The following MTHFD1L variants were observed in gnomAD, a reference collection of about 807,000 sequenced individuals.
The protein encoded by MTHFD1L is methylenetetrahydrofolate dehydrogenase (NADP+ dependent) 1 like.
MTHFD1L carries 81 observed loss-of-function variants against 119.5 expected under a neutral mutation model. The ratio of observed to expected loss-of-function variants is 0.68; its 90% confidence interval spans 0.57 to 0.82. MTHFD1L has a LOEUF of 0.82. Ranked by LOEUF, MTHFD1L falls within the 40% of genes least tolerant of loss-of-function variation. The pLI, the probability that MTHFD1L is intolerant of heterozygous loss-of-function variation, is 0.00. For missense variants in MTHFD1L, 1,125 were observed against 1,253.4 expected (o/e 0.90, Z 1.55); for synonymous variants, 430 against 475.2 (o/e 0.90, Z 1.24).
chr6:151,080,840 CTCT>C (rs1793075326), intron 26 of MTHFD1L, among the ~76,000 whole-genome samples: 3 of 152,298 alleles, frequency 2.0e-5, no homozygotes, highest in Admixed American at 2.0e-4. Flanking sequence ...TGACCTCTTC[CTCT>C]TCTTTTAAGG....
chr6:151,066,736 G>C (rs149196588), intron 26 of MTHFD1L, among the ~76,000 whole-genome samples: 2,554 of 150,166 alleles, frequency 0.017, 71 homozygotes, highest in African/African-American at 0.056. Flanking sequence ...TTGCATTCCA[G>C]CCTGGGCAAT....
In MTHFD1L at chr6:150,887,901, G is replaced by T; in HGVS notation, c.700G>T (p.Ala234Ser). Residue 234 changes from alanine (A) to serine (S), a missense_variant, in exon 7 of 28, where the codon GCT becomes TCT. Physicochemically the swap from Ala to Ser is moderately conservative, Grantham distance 99. Around this residue, in one of 3 missense-constraint regions of MTHFD1L, gnomAD observed 1,058 missense variants for 1,151.2 expected, o/e 0.92. Coordinates refer to ENST00000367321, the MANE Select transcript of MTHFD1L (RefSeq NM_015440.5). ...AGTGGGGGCCCATGGGTCTTTGGAA[G>T]CTGCTCTACAATGCCTGTTCCAGAG... The part of the protein sequence containing the change: ...LVVGAHGSLE[A>S]ALQCLFQRKG... The T allele has an allele frequency of 6.2e-7, 1 of 1,610,362 alleles. No individual in the cohort carries two copies. The highest frequency in any genetic ancestry group is 8.5e-7 in the Non-Finnish European group (1 of 1,178,572).
In MTHFD1L at chr6:150,936,871, G is replaced by A. The variant is rs769162434; in HGVS notation, c.1324G>A (p.Ala442Thr). 6.8e-6 allele frequency: 11 copies of A among 1,613,926 alleles called. No homozygotes were observed. The highest frequency in any genetic ancestry group is 1.6e-4 in the Middle Eastern group (1 of 6,082). The change falls in exon 12 of 28, where the codon GCA becomes ACA. Residue 442 changes from alanine to threonine, a missense_variant. Physicochemically the swap from Ala to Thr is moderately conservative, Grantham distance 58. Transcript: ENST00000367321. The stretch of plus-strand genomic sequence containing the variant: ...CATCGGGCTTGTGCAGGCTCTGACC[G>A]CACACCTGAATGTCAACTCCTTTGC... ...VTIGLVQALT[A>T]HLNVNSFACL...
chr6:151,097,153 A>T lies in MTHFD1L; in HGVS notation c.*32-4373A>T, dbSNP rs115911552. Among the ~76,000 whole-genome samples, 1,138 of 152,304 alleles carry T rather than the reference A, an allele frequency of 7.5e-3. 20 individuals are homozygous for T. Among genetic ancestry groups the T allele is most frequent in the African/African-American group, 0.026 (1,078 of 41,572 alleles). On this transcript the variant is annotated intron_variant, in intron 27 of 27. Coordinates refer to ENST00000367321, the MANE Select transcript of MTHFD1L (RefSeq NM_015440.5). The stretch of plus-strand genomic sequence containing the variant: ...CAAGATTCATTCAAATGAACACACA[A>T]TAAAGTCTGGCAAATTTCCTGAAGA...
chr6:150,914,454 T>TCAAGACCAGCTTGGG (rs1349227221), intron 8 of MTHFD1L, among the ~76,000 whole-genome samples: 5 of 152,102 alleles, frequency 3.3e-5, no homozygotes, highest in Non-Finnish European at 7.3e-5. Flanking sequence ...GTCCAGGAGC[T>TCAAGACCAGCTTGGG]CAAGACCAGC....
intron 24 of MTHFD1L, among the ~76,000 whole-genome samples, chr6:151,015,941 G>A (rs1352030159): frequency 3.3e-5 from 5 of 152,108 alleles, no homozygotes; most frequent in African/African-American, 1.2e-4. Context: ...ACAAAAATTA[G>A]GTGGGCATGG....
chr6:150,958,386 A>G (rs184047920), intron 17 of MTHFD1L, among the ~76,000 whole-genome samples: 1 of 152,316 alleles, frequency 6.6e-6, no homozygotes. Context: ...AAGCTGTAGT[A>G]AGTATACACA....
rs141463364 is a variant in MTHFD1L, at chr6:151,041,516, A to G, written c.2847+4399A>G. ...TAGGGTGCTGCTGAAATACATATTC[A>G]TCTATCCACTCCAGAAAGATAGTCC... is the stretch of plus-strand genomic sequence containing the variant. On this transcript the variant is annotated intron_variant, in intron 26 of 27. Coordinates refer to ENST00000367321, the MANE Select transcript of MTHFD1L (RefSeq NM_015440.5). 3.3e-3 allele frequency among the ~76,000 whole-genome samples: 497 copies of G among 152,320 alleles called. 4 individuals carry two copies. Among genetic ancestry groups the G allele is most frequent in the South Asian group, 5.2e-3 (25 of 4,822 alleles).
chr6:150,961,732 A>G (rs1366824913), intron 18 of MTHFD1L, among the ~76,000 whole-genome samples: 1 of 125,946 alleles, frequency 7.9e-6, no homozygotes, highest in African/African-American at 2.7e-5. Context: ...AGTAAATTCA[A>G]TAGATCAACG....
chr6:150,985,660 CAAAAAAAAAAA>C (rs71014533), intron 20 of MTHFD1L, among the ~76,000 whole-genome samples: 1 of 78,970 alleles, frequency 1.3e-5, no homozygotes, highest in African/African-American at 4.9e-5. Flanking sequence ...GACTCTGTCT[CAAAAAAAAAAA>C]AAAAAAAAAA....
chr6:150,974,607 T>C (rs1305933020), intron 20 of MTHFD1L, among the ~76,000 whole-genome samples: 2 of 143,128 alleles, frequency 1.4e-5, no homozygotes, highest in Admixed American at 7.0e-5. Context: ...AGTTGACTCC[T>C]GGATACCCCA....
rs530415397 is a variant in MTHFD1L at position 151,003,589 on chromosome 6, A to G, written c.2126-6230A>G. On this transcript the variant is annotated intron_variant, in intron 20 of 27. Transcript: ENST00000367321. The stretch of plus-strand genomic sequence containing the variant: ...GTTCTTTTTCACTAGGTGATGAATT[A>G]ATCTTTCCCATCTTTGTCATGTTAA... Among the ~76,000 whole-genome samples, 35 of 152,242 alleles carry G rather than the reference A, an allele frequency of 2.3e-4. 1 individual carries two copies. In the South Asian group the frequency reaches 5.2e-3, roughly 23 times the overall value.
At chr6:151,099,996 TA>T (rs979505169) in intron 27 of MTHFD1L, 123 of 704,044 alleles carry the variant, frequency 1.7e-4, no homozygotes, top group Admixed American at 2.5e-4. Context: ...CATCTTCCTT[TA>T]AAAAAAAAGA....
chr6:150,919,980 T>A (rs1788623822), intron 9 of MTHFD1L, among the ~76,000 whole-genome samples: 1 of 152,166 alleles, frequency 6.6e-6, no homozygotes, highest in African/African-American at 2.4e-5. Context: ...GATGGCATAC[T>A]CACATGGCTG....
chr6:150,919,012 T>A (rs903514126), intron 9 of MTHFD1L, among the ~76,000 whole-genome samples: 1 of 152,018 alleles, frequency 6.6e-6, no homozygotes, highest in Non-Finnish European at 1.5e-5. Flanking sequence ...TTAGGTGGTA[T>A]GTTAGTCCAT....
In MTHFD1L at chr6:150,960,277, G is replaced by A. The variant is rs146093887; in HGVS notation, c.1806G>A (p.Ala602=). ...GNTEKGHYRQ[A]QFDIAVASEI... is the part of the protein sequence containing the mutation. ...TACCTGTGTTTGGGCTGGTTCAGGC[G>A]CAGTTTGACATCGCAGTGGCCAGCG... The change falls in exon 18 of 28, where the codon GCG becomes GCA. Residue 602 remains alanine (A), a splice_region_variant and synonymous_variant. Transcript: ENST00000367321. 3.7e-5 allele frequency: 59 copies of A among 1,611,958 alleles called. No individual in the cohort carries two copies. Among genetic ancestry groups the A allele is most frequent in the African/African-American group, 2.1e-4 (16 of 74,958 alleles).
intron 13 of MTHFD1L, among the ~76,000 whole-genome samples, chr6:150,943,414 T>G (rs1034500270): frequency 1.3e-5 from 2 of 152,086 alleles, no homozygotes; most frequent in African/African-American, 4.8e-5. Flanking sequence ...GAGGATCACT[T>G]GAGTCCAGGA....
At chr6:150,983,177 A>C (rs1039258755) in intron 20 of MTHFD1L, among the ~76,000 whole-genome samples, 5 of 152,156 alleles carry the variant, frequency 3.3e-5, no homozygotes, top group Non-Finnish European at 2.9e-5. Flanking sequence ...TCCGAATACG[A>C]ATACTTTGCC....
intron 20 of MTHFD1L, among the ~76,000 whole-genome samples, chr6:151,006,884 A>G (rs1781481705): frequency 6.6e-6 from 1 of 152,132 alleles, no homozygotes; most frequent in Admixed American, 6.5e-5. Context: ...AAATGTATGC[A>G]ACAATCTACC....
Sources: gnomAD v4.1 joint callset for allele counts (sites outside exome capture counted in the v4.1 genomes callset) on GRCh38, gnomAD v4.1.1 for gene constraint, gnomAD v4.1.1 regional missense constraint, MANE v1.5 for transcripts, NCBI Gene and HGNC (gene_info 2026-07-23, HGNC 2026-07-21) for gene names.